KLHL13: variants seen among roughly 807,000 people sequenced by gnomAD.
KLHL13 encodes kelch like family member 13, also known as kelch-like protein 13.
In KLHL13, 10 loss-of-function variants were observed where a neutral mutation model predicts 37.1. The ratio of observed to expected loss-of-function variants is 0.27; its 90% CI spans 0.17 to 0.46. The LOEUF (loss-of-function observed/expected upper bound fraction) is 0.46, where lower values mean the gene tolerates loss of function less well. Ranked by LOEUF, KLHL13 falls within the 20% of genes least tolerant of loss-of-function variation. The probability of loss-of-function intolerance (pLI) is 1.00; values close to 1 mark genes in which losing one functional copy is unlikely to be tolerated. For missense variants in KLHL13, 360 were observed against 509.3 expected (o/e 0.71, Z 2.82); for synonymous variants, 163 against 181.2 (o/e 0.90, Z 0.81).
intron 1 of KLHL13, among the ~76,000 whole-genome samples, chrX:117,964,301 T>A (rs1019368290): frequency 9.8e-5 from 11 of 112,499 alleles, no homozygotes; most frequent in African/African-American, 3.6e-4. Context: ...ATTTTTCTTC[T>A]GAGGTGTTTC....
chrX:118,033,545 G>C (rs148513855), intron 1 of KLHL13, among the ~76,000 whole-genome samples: 3,631 of 110,447 alleles, frequency 0.033, 136 homozygotes, highest in African/African-American at 0.11. Flanking sequence ...AATGCTGAGA[G>C]ATTTTGTCAC....
intron 5 of KLHL13, among the ~76,000 whole-genome samples, chrX:117,905,220 T>C (rs1473432946): frequency 1.8e-5 from 2 of 111,844 alleles, no homozygotes; most frequent in Non-Finnish European, 3.8e-5. Flanking sequence ...ATGTTTTCTA[T>C]AAGTTATTTC....
chrX:118,000,162 C>T (rs1016025037), intron 1 of KLHL13, among the ~76,000 whole-genome samples: 1 of 111,010 alleles, frequency 9.0e-6, no homozygotes, highest in African/African-American at 3.3e-5. Context: ...TACTATTGCC[C>T]TTACCCAAAA....
intron 1 of KLHL13, among the ~76,000 whole-genome samples, chrX:117,995,989 C>A (rs1346832798): frequency 9.0e-6 from 1 of 111,401 alleles, no homozygotes; most frequent in Non-Finnish European, 1.9e-5. Context: ...TGTTTGAGTA[C>A]TAGTTTTTAA....
chrX:118,000,064 A>G (rs2147964646), intron 1 of KLHL13, among the ~76,000 whole-genome samples: 1 of 112,115 alleles, frequency 8.9e-6, no homozygotes, highest in African/African-American at 3.2e-5. Context: ...TACTTGTGAG[A>G]TGGGAACTGT....
chrX:117,953,226 TA>T (rs1273571325), intron 1 of KLHL13, among the ~76,000 whole-genome samples: 1 of 110,910 alleles, frequency 9.0e-6, no homozygotes, highest in African/African-American at 3.3e-5. Context: ...TATGCAGCCA[TA>T]AAAAATGATG....
exon 5 of KLHL13, chrX:117,909,354 G>A: frequency 8.3e-7 from 1 of 1,208,666 alleles, no homozygotes; most frequent in Non-Finnish European, 1.1e-6. Context: ...TCCTTTGAGG[G>A]CACTTAGGTG....
intron 1 of KLHL13, among the ~76,000 whole-genome samples, chrX:118,097,215 A>C (rs755028827): frequency 0.037 from 4,109 of 111,670 alleles, 213 homozygotes; most frequent in African/African-American, 0.13. Context: ...TAAGCTGATA[A>C]GCAACTTCAG....
chrX:118,030,059 T>C (rs757248174), intron 1 of KLHL13, among the ~76,000 whole-genome samples: 2 of 111,149 alleles, frequency 1.8e-5, no homozygotes, highest in African/African-American at 6.5e-5. Context: ...GGATTCTTCA[T>C]TGTCGTCAGC....
chrX:118,030,320 TGAGA>T (rs1016408054), intron 1 of KLHL13, among the ~76,000 whole-genome samples: 1 of 111,983 alleles, frequency 8.9e-6, no homozygotes, highest in Non-Finnish European at 1.9e-5. Flanking sequence ...GTTAAAGTGA[TGAGA>T]GAATTTGAGA....
At chrX:118,102,139 C>A (rs1043666475) in intron 1 of KLHL13, among the ~76,000 whole-genome samples, 1 of 111,431 alleles carries the variant, frequency 9.0e-6, no homozygotes, top group African/African-American at 3.3e-5. Flanking sequence ...GACTTGTATA[C>A]TCTGCTGAGA....
At chrX:117,945,412 C>T (rs1442636167) in intron 2 of KLHL13, 22 bp downstream of exon 3, 1 of 1,202,923 alleles carries the variant, frequency 8.3e-7, no homozygotes, top group Non-Finnish European at 1.1e-6. Context: ...GTAAACACTA[C>T]CAAAGAGACA....
At chrX:117,970,720 A>T (rs1403115789) in intron 1 of KLHL13, among the ~76,000 whole-genome samples, 1 of 111,863 alleles carries the variant, frequency 8.9e-6, no homozygotes, top group Non-Finnish European at 1.9e-5. Flanking sequence ...TAAACAACAT[A>T]TTTAAAAACC....
intron 1 of KLHL13, among the ~76,000 whole-genome samples, chrX:118,035,996 G>A (rs1411457741): frequency 9.8e-6 from 1 of 101,669 alleles, no homozygotes; most frequent in Non-Finnish European, 1.9e-5. Flanking sequence ...ATTCACAACT[G>A]CTTCAAAGAG....
intron 5 of KLHL13, among the ~76,000 whole-genome samples, chrX:117,902,992 G>A (rs1016761483): frequency 2.7e-5 from 3 of 110,288 alleles, no homozygotes; most frequent in East Asian, 2.9e-4. Context: ...GGGCAGCGAC[G>A]GGTAAGCAGA....
chrX:117,985,220 G>A, intron 1 of KLHL13: 1 of 1,089,468 alleles, frequency 9.2e-7, no homozygotes, highest in East Asian at 3.3e-5. Flanking sequence ...AGTAAATAAA[G>A]GAAAAGAAAG....
chrX:117,901,715 G>A lies in KLHL13; in HGVS notation c.1480+118C>T, dbSNP rs183428794. 800 of 347,390 alleles carry A rather than the reference G, an allele frequency of 2.3e-3. 13 individuals carry two copies. The Admixed American group carries it at 0.031, about 13-fold the overall frequency. The allele number at this position is 347,390 out of a possible 1,213,427, so 28.6% of individuals were successfully genotyped here. ...AGACAGGATTTCACCATGTTGGCCC[G>A]CCTGGTCTCAAACTCCTGACGCCTG... is the stretch of plus-strand genomic sequence containing the variant. On this transcript the variant is annotated intron_variant, in intron 6 of 6. Transcript: ENST00000262820.
intron 2 of KLHL13, among the ~76,000 whole-genome samples, chrX:117,942,974 T>A (rs1283726815): frequency 9.0e-6 from 1 of 111,709 alleles, no homozygotes; most frequent in Non-Finnish European, 1.9e-5. Flanking sequence ...CAGTTTTTTC[T>A]TTCCATATTT....
Position 117,899,121 on chromosome X carries a change from G to A in KLHL13, c.1755C>T (p.Phe585=), listed in dbSNP as rs1304844648. ...CCCCAACCACATAGATTTTATTTTC[G>A]AAGACAGCGACCCCAACATCACTCT... is the stretch of plus-strand genomic sequence containing the variant. The change falls in exon 7 of 7, where the codon TTC becomes TTT. Residue 585 remains phenylalanine, a synonymous_variant. Transcript: ENST00000262820. 5.0e-6 allele frequency: 6 copies of A among 1,209,836 alleles called. No individual in the cohort carries two copies. The African/African-American group carries it at 5.2e-5, about 11-fold the overall frequency.
Sources: gnomAD v4.1 joint callset for allele counts (sites outside exome capture counted in the v4.1 genomes callset) on GRCh38, gnomAD v4.1.1 for gene constraint, MANE v1.5 for transcripts, NCBI Gene and HGNC (gene_info 2026-07-23, HGNC 2026-07-21) for gene names.